MRPS31: variants seen among roughly 807,000 people sequenced by gnomAD.
MRPS31 encodes mitochondrial ribosomal protein S31.
A neutral mutation model predicts 43.1 loss-of-function variants in MRPS31; 32 were observed. That is an observed-to-expected ratio of 0.74 (90% CI 0.56 to 1.00). The LOEUF is 1.00. MRPS31 is among the 50% of genes least tolerant of loss of function. MRPS31 has a pLI of 0.00. For synonymous variants in MRPS31, 165 were observed against 161.6 expected (o/e 1.02, Z -0.16); for missense variants, 437 against 466.7 (o/e 0.94, Z 0.59).
At chr13:40,760,633 T>C (rs1404890032) in intron 2 of MRPS31, among the ~76,000 whole-genome samples, 1 of 136,102 alleles carries the variant, frequency 7.3e-6, no homozygotes, top group Non-Finnish European at 1.6e-5. Context: ...ATTTTTTCCT[T>C]TTTTTTTTTT....
chr13:40,766,263 A>G (rs1334950636), intron 2 of MRPS31, among the ~76,000 whole-genome samples: 2 of 152,122 alleles, frequency 1.3e-5, no homozygotes, highest in East Asian at 3.9e-4. Context: ...AATATAATAC[A>G]ATAACAGCAT....
At chr13:40,746,097 G>A (rs1002545244) in intron 6 of MRPS31, among the ~76,000 whole-genome samples, 6 of 152,034 alleles carry the variant, frequency 3.9e-5, no homozygotes, top group African/African-American at 1.2e-4. Context: ...ACCATACTGC[G>A]AACTAAATTG....
chr13:40,768,725 G>T (rs1183582083), intron 1 of MRPS31, among the ~76,000 whole-genome samples: 1 of 152,124 alleles, frequency 6.6e-6, no homozygotes, highest in Non-Finnish European at 1.5e-5. Flanking sequence ...ACATACTTTG[G>T]TCCCACCAAA....
chr13:40,752,963 A>G (rs535466660), intron 5 of MRPS31, among the ~76,000 whole-genome samples: 1 of 152,282 alleles, frequency 6.6e-6, no homozygotes, highest in Admixed American at 6.5e-5. Context: ...TTGAACTCCT[A>G]GTCGCAAGCC....
chr13:40,766,777 G>A lies in MRPS31; in HGVS notation c.409C>T (p.Arg137Ter), dbSNP rs1047557890. ...KSLEATLGRL[R>*]RATEYAPKKR... ...TTTGGAGCATATTCTGTAGCTCTTC[G>A]AAGCCTGCCAAGTGTAGCTTCCAAA... Residue 137 changes from arginine (R) to a stop codon, truncating the protein, a stop_gained, in exon 2 of 7, where the codon CGA becomes TGA. Transcript: ENST00000323563. LOFTEE classifies it high-confidence loss of function. 4 of 1,611,754 alleles carry A rather than the reference G, an allele frequency of 2.5e-6. No individual in the cohort carries two copies. The highest frequency in any genetic ancestry group is 1.3e-5 in the African/African-American group (1 of 74,608).
At chr13:40,741,878 A>C (rs2137999721) in intron 6 of MRPS31, among the ~76,000 whole-genome samples, 1 of 134,574 alleles carries the variant, frequency 7.4e-6, no homozygotes, top group African/African-American at 2.9e-5. Flanking sequence ...TATATTGCTA[A>C]GTAACAAAAT....
chr13:40,770,221 A>G (rs551209682), intron 1 of MRPS31, among the ~76,000 whole-genome samples: 1 of 152,258 alleles, frequency 6.6e-6, no homozygotes, highest in East Asian at 1.9e-4. Context: ...GGTCCTTCCC[A>G]TCTTCACTGC....
At chr13:40,767,912 A>T (rs1880896433) in intron 1 of MRPS31, among the ~76,000 whole-genome samples, 1 of 152,370 alleles carries the variant, frequency 6.6e-6, no homozygotes, top group Middle Eastern at 3.4e-3. Flanking sequence ...CAACATTGTC[A>T]TCGAGCTACA....
chr13:40,746,053 C>G (rs573504667), intron 6 of MRPS31, among the ~76,000 whole-genome samples: 7 of 152,232 alleles, frequency 4.6e-5, no homozygotes, highest in African/African-American at 1.7e-4. Flanking sequence ...AGTGGCAAAA[C>G]AACAAACCTT....
intron 1 of MRPS31, 66 bp downstream of exon 1, chr13:40,770,919 G>T: frequency 6.3e-7 from 1 of 1,590,534 alleles, no homozygotes; most frequent in Non-Finnish European, 8.6e-7. Flanking sequence ...CCCAGCAGGT[G>T]GTAACATCGA....
intron 6 of MRPS31, among the ~76,000 whole-genome samples, chr13:40,745,192 G>A (rs1473659093): frequency 6.6e-6 from 1 of 152,086 alleles, no homozygotes; most frequent in Non-Finnish European, 1.5e-5. Flanking sequence ...AAAGTGCTGG[G>A]ATTATAGGCA....
At chr13:40,763,045 C>T (rs1271180836) in intron 2 of MRPS31, among the ~76,000 whole-genome samples, 1 of 152,156 alleles carries the variant, frequency 6.6e-6, no homozygotes, top group East Asian at 1.9e-4. Flanking sequence ...CAGCAGGGAT[C>T]AATTAAGTGA....
At chr13:40,756,763 T>A in intron 4 of MRPS31, 110 bp downstream of exon 4, 1 of 1,194,984 alleles carries the variant, frequency 8.4e-7, no homozygotes, top group African/African-American at 1.5e-5. Flanking sequence ...GTATTCATAA[T>A]GTTCAGATAT....
chr13:40,737,438 A>G (rs564845566), intron 6 of MRPS31, among the ~76,000 whole-genome samples: 1 of 152,152 alleles, frequency 6.6e-6, no homozygotes, highest in African/African-American at 2.4e-5. Flanking sequence ...CAGACCTAAT[A>G]GACATCTACA....
At chr13:40,730,821 A>G (rs999465233) in intron 6 of MRPS31, among the ~76,000 whole-genome samples, 1 of 152,150 alleles carries the variant, frequency 6.6e-6, no homozygotes, top group African/African-American at 2.4e-5. Flanking sequence ...CGGCCTCCCA[A>G]AGTGCTGGGA....
Position 40,771,188 on chromosome 13 carries a change from G to A in MRPS31, c.-52C>T. ...CACAACTGAAATGGTGCGTCCCGCT[G>A]CCAAACACGTCCCCGCCCTCTCTTC... On this transcript the variant is annotated 5_prime_UTR_variant, in exon 1 of 7. Transcript: ENST00000323563. 1 of 1,534,174 alleles carries A rather than the reference G, an allele frequency of 6.5e-7. No homozygotes were observed. The highest frequency in any genetic ancestry group is 1.2e-5 in the South Asian group (1 of 80,670).
chr13:40,749,840 T>C (rs1246825643), intron 5 of MRPS31, among the ~76,000 whole-genome samples: 1 of 152,212 alleles, frequency 6.6e-6, no homozygotes, highest in Non-Finnish European at 1.5e-5. Flanking sequence ...ATTACATGTT[T>C]CAATAACTTA....
At chr13:40,733,979 AAAGG>A (rs1879792933) in intron 6 of MRPS31, among the ~76,000 whole-genome samples, 1 of 150,566 alleles carries the variant, frequency 6.6e-6, no homozygotes. Context: ...AAAAAAAAAA[AAAGG>A]CCAGGTGCAG....
chr13:40,760,315 T>TA (rs1880660297), intron 2 of MRPS31, among the ~76,000 whole-genome samples: 1 of 152,030 alleles, frequency 6.6e-6, no homozygotes, highest in Non-Finnish European at 1.5e-5. Context: ...CACAGGGACT[T>TA]ACCTGTTTCT....
Sources: gnomAD v4.1 joint callset for allele counts (sites outside exome capture counted in the v4.1 genomes callset) on GRCh38, gnomAD v4.1.1 for gene constraint, MANE v1.5 for transcripts, NCBI Gene and HGNC (gene_info 2026-07-23, HGNC 2026-07-21) for gene names.